DTNBP1: variants seen among roughly 807,000 people sequenced by gnomAD.
DTNBP1 encodes the protein dysbindin.
A neutral mutation model predicts 42.8 loss-of-function variants in DTNBP1; 35 were observed. The observed-to-expected ratio is 0.82, with a 90% confidence interval of 0.63 to 1.09. The LOEUF (loss-of-function observed/expected upper bound fraction) is 1.09. DTNBP1 is among the 50% of genes least tolerant of loss of function. DTNBP1 has a pLI of 0.00. For missense variants in DTNBP1, 457 were observed against 424.2 expected (o/e 1.08, Z -0.68); for synonymous variants, 171 against 162.2 (o/e 1.05, Z -0.41).
intron 7 of DTNBP1, among the ~76,000 whole-genome samples, chr6:15,550,175 A>G (rs1774129631): frequency 6.6e-6 from 1 of 151,888 alleles, no homozygotes; most frequent in Non-Finnish European, 1.5e-5. Flanking sequence ...AATGTCACTG[A>G]AGAACACTTA....
At chr6:15,598,953 A>T (rs146405685) in intron 6 of DTNBP1, among the ~76,000 whole-genome samples, 152 of 152,300 alleles carry the variant, frequency 1.0e-3, no homozygotes, top group African/African-American at 3.5e-3. Context: ...CCAAGAAAGT[A>T]ACAAGATGAT....
intron 5 of DTNBP1, among the ~76,000 whole-genome samples, chr6:15,617,084 A>G (rs1271768500): frequency 6.6e-6 from 1 of 152,156 alleles, no homozygotes; most frequent in African/African-American, 2.4e-5. Flanking sequence ...GGAAAGAGCC[A>G]GGTGTGGTGG....
At chr6:15,651,997 G>T in intron 2 of DTNBP1, 90 bp downstream of exon 2, 4 of 1,152,786 alleles carry the variant, frequency 3.5e-6, no homozygotes, top group Non-Finnish European at 5.2e-6. Context: ...CAAATCTAAG[G>T]TTCATTAATA....
At position 15,654,603 on chromosome 6, in the gene DTNBP1, C is replaced by T. The variant is rs770535411; in HGVS notation, c.57-2463G>A. ...GCCAAGTTTGGAATTCTCTTCTCTG[C>T]CCCCCTACCCCATCTCCTCCCCGCC... On this transcript the variant is annotated intron_variant, in intron 1 of 9. Coordinates refer to ENST00000344537, the MANE Select transcript of DTNBP1 (RefSeq NM_032122.5). 3.2e-4 allele frequency among the ~76,000 whole-genome samples: 48 copies of T among 151,994 alleles called. 1 individual carries two copies. The highest frequency in any genetic ancestry group is 3.4e-3 in the Middle Eastern group (1 of 294).
At chr6:15,620,816 C>T (rs1759000806) in intron 5 of DTNBP1, among the ~76,000 whole-genome samples, 1 of 152,206 alleles carries the variant, frequency 6.6e-6, no homozygotes, top group African/African-American at 2.4e-5. Context: ...AAAAACCCAG[C>T]TCTGCTCCTG....
intron 2 of DTNBP1, among the ~76,000 whole-genome samples, chr6:15,651,868 CAGAGTA>C (rs925218767): frequency 2.0e-5 from 3 of 152,182 alleles, no homozygotes; most frequent in Non-Finnish European, 1.5e-5. Flanking sequence ...CATTGACTGT[CAGAGTA>C]AAACAATTAT....
Position 15,592,497 on chromosome 6 carries a change from G to A in DTNBP1, c.511+562C>T, listed in dbSNP as rs116053810. On this transcript the variant is annotated intron_variant, in intron 7 of 9. Transcript: ENST00000344537. Reference sequence around the variant, plus strand: ...ACATAACCAAGAATTATTCTCTAGCGTCCCTCCTTCAGGCATTCCCTAAAA... The same window carrying A: ...ACATAACCAAGAATTATTCTCTAGCATCCCTCCTTCAGGCATTCCCTAAAA... Among the ~76,000 whole-genome samples the A allele has an allele frequency of 4.5e-3, 685 of 152,228 alleles. 7 individuals are homozygous for A. The highest frequency in any genetic ancestry group is 0.015 in the African/African-American group (626 of 41,538).
chr6:15,555,979 T>A (rs943369608), intron 7 of DTNBP1, among the ~76,000 whole-genome samples: 8 of 152,110 alleles, frequency 5.3e-5, no homozygotes, highest in Non-Finnish European at 2.9e-5. Flanking sequence ...CCCAAAAGAA[T>A]AGACTGCAGC....
chr6:15,652,320 T>C (rs1761048603), intron 1 of DTNBP1, among the ~76,000 whole-genome samples, 180 bp from the exon 2 acceptor site: 1 of 151,982 alleles, frequency 6.6e-6, no homozygotes, highest in South Asian at 2.1e-4. Flanking sequence ...GCTGGGACTA[T>C]AGTCACCCGC....
At chr6:15,568,252 T>C (rs1359321608) in intron 7 of DTNBP1, among the ~76,000 whole-genome samples, 1 of 152,210 alleles carries the variant, frequency 6.6e-6, no homozygotes, top group Admixed American at 6.5e-5. Flanking sequence ...CCAACTCCCA[T>C]TTATTACTGA....
intron 6 of DTNBP1, among the ~76,000 whole-genome samples, chr6:15,603,283 C>T (rs1016642182): frequency 6.6e-6 from 1 of 152,058 alleles, no homozygotes; most frequent in African/African-American, 2.4e-5. Context: ...ATAATAAATA[C>T]AATAAAATAA....
intron 4 of DTNBP1, among the ~76,000 whole-genome samples, chr6:15,631,854 G>C (rs975908413): frequency 6.6e-6 from 1 of 152,144 alleles, no homozygotes; most frequent in African/African-American, 2.4e-5. Flanking sequence ...TTTTTCTAAC[G>C]TGATTGTTCT....
At chr6:15,630,811 G>A (rs995107249) in intron 4 of DTNBP1, among the ~76,000 whole-genome samples, 1 of 152,100 alleles carries the variant, frequency 6.6e-6, no homozygotes, top group African/African-American at 2.4e-5. Context: ...CCAGCTACTC[G>A]GGAGGCTGAG....
At chr6:15,533,451 G>A in intron 7 of DTNBP1, 56 bp from the exon 8 acceptor site, 10 of 1,613,588 alleles carry the variant, frequency 6.2e-6, no homozygotes, top group South Asian at 1.1e-5. Flanking sequence ...GAGAGGAAAT[G>A]GGTATAAACA....
Position 15,662,966 on chromosome 6 carries a change from C to G in DTNBP1, c.-97G>C. 6.5e-7 allele frequency: 1 copy of G among 1,541,496 alleles called. No homozygotes were observed. The highest frequency in any genetic ancestry group is 8.8e-7 in the Non-Finnish European group (1 of 1,132,270). ...CCGCCAACCCCGCGCTGTCACCGCGCGCCCCGCACTCCCACTACCGGCCCC... is the reference window on the plus strand; with the variant it reads ...CCGCCAACCCCGCGCTGTCACCGCGGGCCCCGCACTCCCACTACCGGCCCC... On this transcript the variant is annotated 5_prime_UTR_variant, in exon 1 of 10. Coordinates refer to ENST00000344537, the MANE Select transcript of DTNBP1 (RefSeq NM_032122.5).
At chr6:15,637,699 A>G (rs185050834) in intron 4 of DTNBP1, 45 bp downstream of exon 4, 2 of 1,599,464 alleles carry the variant, frequency 1.3e-6, no homozygotes, top group South Asian at 1.1e-5. Flanking sequence ...TTTAGCACTG[A>G]AAAAGGAAAG....
At chr6:15,526,514 T>G (rs1422481485) in intron 8 of DTNBP1, among the ~76,000 whole-genome samples, 2 of 152,124 alleles carry the variant, frequency 1.3e-5, no homozygotes, top group Non-Finnish European at 2.9e-5. Context: ...GGAAAAGTAT[T>G]ATGGTTTAGA....
chr6:15,578,312 G>T (rs1775671813), intron 7 of DTNBP1, among the ~76,000 whole-genome samples: 1 of 152,210 alleles, frequency 6.6e-6, no homozygotes, highest in African/African-American at 2.4e-5. Context: ...ATCAGGGAGG[G>T]GATGTCCCAG....
At chr6:15,636,027 G>A (rs1305192109) in intron 4 of DTNBP1, among the ~76,000 whole-genome samples, 4 of 152,104 alleles carry the variant, frequency 2.6e-5, no homozygotes, top group South Asian at 2.1e-4. Flanking sequence ...TTGTGTGATT[G>A]CTAACATTTT....
Sources: gnomAD v4.1 joint callset for allele counts (sites outside exome capture counted in the v4.1 genomes callset) on GRCh38, gnomAD v4.1.1 for gene constraint, MANE v1.5 for transcripts, NCBI Gene and HGNC (gene_info 2026-07-23, HGNC 2026-07-21) for gene names.